The following ADCYAP1R1 variants were observed in gnomAD, a reference collection of about 807,000 sequenced individuals.
ADCYAP1R1 encodes the protein pituitary adenylate cyclase-activating polypeptide type I receptor.
ADCYAP1R1 carries 44 observed loss-of-function variants against 67.6 expected under a neutral mutation model. That is an observed-to-expected ratio of 0.65 (90% CI 0.51 to 0.84). ADCYAP1R1 has a LOEUF of 0.84. ADCYAP1R1 is among the 40% of genes least tolerant of loss of function. The pLI is 0.00. For missense variants in ADCYAP1R1, 477 were observed against 587.9 expected (o/e 0.81, Z 1.95); for synonymous variants, 222 against 219.6 (o/e 1.01, Z -0.10).
chr7:31,077,442 T>C (rs1006070847), intron 3 of ADCYAP1R1, among the ~76,000 whole-genome samples: 1 of 140,582 alleles, frequency 7.1e-6, no homozygotes, highest in Non-Finnish European at 1.5e-5. Flanking sequence ...TATGTGTGAT[T>C]GTGTGTGGTG....
intron 3 of ADCYAP1R1, among the ~76,000 whole-genome samples, chr7:31,076,019 T>G (rs1232818253): frequency 6.6e-6 from 1 of 152,208 alleles, no homozygotes; most frequent in Non-Finnish European, 1.5e-5. Flanking sequence ...GCACTGAGTC[T>G]TGGACTGCTG....
intron 1 of ADCYAP1R1, among the ~76,000 whole-genome samples, chr7:31,061,711 C>A (rs944945616): frequency 6.6e-6 from 1 of 152,134 alleles, no homozygotes; most frequent in Non-Finnish European, 1.5e-5. Flanking sequence ...TTTTTGGATG[C>A]CTGCTTATCT....
intron 3 of ADCYAP1R1, among the ~76,000 whole-genome samples, chr7:31,067,822 C>T (rs1437959045): frequency 6.6e-6 from 1 of 152,206 alleles, no homozygotes; most frequent in Non-Finnish European, 1.5e-5. Context: ...GTGAGAAGTG[C>T]TAAGGACAGC....
At chr7:31,080,006 C>T (rs772260439) in intron 4 of ADCYAP1R1, among the ~76,000 whole-genome samples, 21 of 152,322 alleles carry the variant, frequency 1.4e-4, no homozygotes, top group Non-Finnish European at 2.1e-4. Flanking sequence ...GTATTTCTTT[C>T]GTTCCGTCAT....
At position 31,052,329 on chromosome 7, in the gene ADCYAP1R1, T is replaced by A. The variant is rs1794041231; in HGVS notation, c.-421T>A. The stretch of plus-strand genomic sequence containing the variant: ...GGTCGCCTCCCTCCAGCGCCCAGCC[T>A]GGCTTCGCGGCGGAGGCGGCGCCTC... On this transcript the variant is annotated 5_prime_UTR_variant, in exon 1 of 16. Transcript: ENST00000304166. 2 of 151,964 alleles carry A rather than the reference T, an allele frequency of 1.3e-5. No homozygotes were observed. Among genetic ancestry groups the A allele is most frequent in the Admixed American group, 1.3e-4 (2 of 15,278 alleles). The allele number at this position is 151,964 out of a possible 1,614,324, so 9.4% of individuals were successfully genotyped here. A position where few individuals can be genotyped will look rare whatever the true frequency, so the allele number is the denominator to read the frequency against.
chr7:31,070,130 G>C (rs1215816809), intron 3 of ADCYAP1R1, among the ~76,000 whole-genome samples: 1 of 152,188 alleles, frequency 6.6e-6, no homozygotes, highest in African/African-American at 2.4e-5. Flanking sequence ...GTGCTCTTGT[G>C]ACCAGAAGGG....
chr7:31,097,389 C>T (rs2267740), intron 13 of ADCYAP1R1, among the ~76,000 whole-genome samples: 41,348 of 152,218 alleles, frequency 0.27, 9,946 homozygotes, highest in African/African-American at 0.65. Flanking sequence ...CTGACATCTT[C>T]CTTTCTCCCA....
At chr7:31,084,291 G>A in intron 7 of ADCYAP1R1, 41 bp downstream of exon 7, 1 of 1,571,580 alleles carries the variant, frequency 6.4e-7, no homozygotes, top group Non-Finnish European at 8.7e-7. Flanking sequence ...GGTGAGGGTA[G>A]GGCTGAGGAA....
At chr7:31,057,675 C>T (rs965507502) in intron 1 of ADCYAP1R1, among the ~76,000 whole-genome samples, 2 of 152,236 alleles carry the variant, frequency 1.3e-5, no homozygotes, top group South Asian at 4.1e-4. Context: ...GGTTTCCCCT[C>T]CTTCCCTGCA....
chr7:31,094,564 C>T (rs1480517584), intron 13 of ADCYAP1R1, among the ~76,000 whole-genome samples: 2 of 151,980 alleles, frequency 1.3e-5, no homozygotes, highest in African/African-American at 4.8e-5. Flanking sequence ...TGAGGGCCCC[C>T]CAACCTCTTC....
chr7:31,077,474 G>A (rs996530183), intron 3 of ADCYAP1R1, among the ~76,000 whole-genome samples: 1 of 95,428 alleles, frequency 1.0e-5, no homozygotes, highest in African/African-American at 8.2e-5. Context: ...TGTGTGTGGT[G>A]TGTGTAGTGT....
intron 3 of ADCYAP1R1, among the ~76,000 whole-genome samples, chr7:31,065,529 G>A (rs1039240400): frequency 6.6e-6 from 1 of 152,124 alleles, no homozygotes; most frequent in African/African-American, 2.4e-5. Flanking sequence ...TGCCCATAAC[G>A]TCCCCGATCC....
At position 31,102,646 on chromosome 7, in the gene ADCYAP1R1, T is replaced by G. The variant is rs998633532; in HGVS notation, c.1047-591T>G. Among the ~76,000 whole-genome samples, 5 of 152,176 alleles carry G rather than the reference T, an allele frequency of 3.3e-5. No homozygotes were observed. Among genetic ancestry groups the G allele is most frequent in the Non-Finnish European group, 7.4e-5 (5 of 68,014 alleles). On this transcript the variant is annotated intron_variant, in intron 13 of 15. Coordinates refer to ENST00000304166, the MANE Select transcript of ADCYAP1R1 (RefSeq NM_001118.5). The surrounding 1 kb of genome is among the most constrained non-coding windows in gnomAD (Gnocchi z 4.3). The stretch of plus-strand genomic sequence containing the variant: ...GAGGTTCCTCCTGCCCAGTTGGAGA[T>G]TGCCGATGCCCAGGGTCCGTAAGTT...
At chr7:31,087,093 C>T in intron 11 of ADCYAP1R1, 90 bp downstream of exon 11, 2 of 1,423,632 alleles carry the variant, frequency 1.4e-6, no homozygotes, top group South Asian at 1.2e-5. Flanking sequence ...ACATGAACTG[C>T]CCGCAACAAA....
chr7:31,084,966 G>A (rs901727423), intron 8 of ADCYAP1R1, 132 bp downstream of exon 8: 2 of 893,848 alleles, frequency 2.2e-6, no homozygotes, highest in Non-Finnish European at 3.6e-6. Context: ...CCACCCCAAG[G>A]ATAACAGATG....
chr7:31,056,030 C>T (rs1363088541), intron 1 of ADCYAP1R1, among the ~76,000 whole-genome samples: 1 of 152,236 alleles, frequency 6.6e-6, no homozygotes, highest in African/African-American at 2.4e-5. Context: ...TCACCATTCA[C>T]CCTTTGTGTC....
chr7:31,106,706 TCTC>T lies in ADCYAP1R1; in HGVS notation c.*27_*29del. The T allele has an allele frequency of 6.3e-7, 1 of 1,578,470 alleles. No homozygotes were observed. Among genetic ancestry groups the T allele is most frequent in the Non-Finnish European group, 8.6e-7 (1 of 1,162,250 alleles). ...CTGAGCCATGCTCCCCTCCTCCTCC[TCTC>T]CTCCATCCACAGGCTGGGACCGCAG... On this transcript the variant is annotated 3_prime_UTR_variant, in exon 16 of 16. Coordinates refer to ENST00000304166, the MANE Select transcript of ADCYAP1R1 (RefSeq NM_001118.5).
At chr7:31,077,570 T>C (rs548895926) in intron 3 of ADCYAP1R1, among the ~76,000 whole-genome samples, 2 of 149,228 alleles carry the variant, frequency 1.3e-5, no homozygotes, top group East Asian at 2.0e-4. Flanking sequence ...ATGTGTGATG[T>C]GTGTGTGTTG....
intron 3 of ADCYAP1R1, among the ~76,000 whole-genome samples, chr7:31,077,518 G>A (rs1795305478): frequency 6.7e-6 from 1 of 149,070 alleles, no homozygotes; most frequent in Non-Finnish European, 1.5e-5. Context: ...TATGTGGTGT[G>A]TGTGTGATCT....
Sources: gnomAD v4.1 joint callset for allele counts (sites outside exome capture counted in the v4.1 genomes callset) on GRCh38, gnomAD v4.1.1 for gene constraint, Gnocchi (gnomAD v3.1) non-coding constraint, MANE v1.5 for transcripts, NCBI Gene and HGNC (gene_info 2026-07-23, HGNC 2026-07-21) for gene names.